MYO16: variants seen among roughly 807,000 people sequenced by gnomAD.
MYO16 encodes the protein unconventional myosin-XVI.
In MYO16, 94 loss-of-function variants were observed where a neutral mutation model predicts 205.3. The observed-to-expected ratio is 0.46, with a 90% CI of 0.39 to 0.54. The LOEUF is 0.54. Among genes scored for constraint, MYO16 ranks in the 20% least tolerant of loss-of-function variants. The pLI, the probability that MYO16 is intolerant of heterozygous loss-of-function variation, is 0.00. For missense variants in MYO16, 2,315 were observed against 2,387.5 expected, an observed-to-expected ratio of 0.97 and a Z score of 0.63; for synonymous variants, 988 against 954.0, an observed-to-expected ratio of 1.04 and a Z score of -0.66.
At chr13:109,041,218 A>G (rs553592818) in intron 23 of MYO16, among the ~76,000 whole-genome samples, 15 of 152,216 alleles carry the variant, frequency 9.9e-5, no homozygotes, top group Non-Finnish European at 1.8e-4. Flanking sequence ...CTAGATAAAA[A>G]GAAAGACATT....
intron 1 of MYO16, among the ~76,000 whole-genome samples, chr13:108,612,291 A>G (rs55787244): frequency 0.022 from 3,364 of 152,230 alleles, 122 homozygotes; most frequent in African/African-American, 0.075. Context: ...AACAAGGAAA[A>G]AGGAAAAAGA....
At chr13:108,877,459 A>C (rs944326154) in intron 12 of MYO16, among the ~76,000 whole-genome samples, 1 of 152,226 alleles carries the variant, frequency 6.6e-6, no homozygotes, top group Non-Finnish European at 1.5e-5. Flanking sequence ...GACTCCAGTC[A>C]TAGGTTCTGG....
At chr13:108,987,769 G>A (rs987047515) in intron 20 of MYO16, among the ~76,000 whole-genome samples, 1 of 152,162 alleles carries the variant, frequency 6.6e-6, no homozygotes, top group African/African-American at 2.4e-5. Flanking sequence ...GAACTCTCTA[G>A]GGAATCTCCT....
the MYO16 span, among the ~76,000 whole-genome samples, chr13:108,556,915 C>T: frequency 3.9e-5 from 6 of 152,080 alleles, no homozygotes; most frequent in South Asian, 4.1e-4. Flanking sequence ...TGTGTGTTGG[C>T]GCCTTTGTCA....
the MYO16 span, among the ~76,000 whole-genome samples, chr13:108,583,920 G>A: frequency 6.6e-6 from 1 of 152,086 alleles, no homozygotes; most frequent in Non-Finnish European, 1.5e-5. Flanking sequence ...CCAAAGCAAG[G>A]AGTGTATCTT....
chr13:108,900,998 A>T (rs1880679107), intron 15 of MYO16, among the ~76,000 whole-genome samples: 1 of 152,182 alleles, frequency 6.6e-6, no homozygotes, highest in Non-Finnish European at 1.5e-5. Flanking sequence ...CGGTTGTAGC[A>T]GAGGGATGAA....
Position 108,856,891 on chromosome 13 carries a change from G to A in MYO16, c.1359+1338G>A, listed in dbSNP as rs1234634745. On this transcript the variant is annotated intron_variant, in intron 11 of 34. Transcript: ENST00000457511. ...AATGAACTAGAGTAAGTTTTATAAA[G>A]CACAAATGTAATCTCAAAACTCCCA... Among the ~76,000 whole-genome samples, 5 of 152,210 alleles carry A rather than the reference G, an allele frequency of 3.3e-5. No individual in the cohort carries two copies. In the East Asian group the frequency reaches 9.7e-4, roughly 29 times the overall value.
Position 108,897,991 on chromosome 13 carries a change from A to G in MYO16, c.1660-25A>G, listed in dbSNP as rs1313700590. 1.2e-5 allele frequency: 18 copies of G among 1,514,314 alleles called. No homozygotes were observed. The Admixed American group carries it at 1.3e-4, about 11-fold the overall frequency. The allele number at this position is 1,514,314 out of a possible 1,614,324, so 93.8% of individuals were successfully genotyped here. On this transcript the variant is annotated intron_variant, in intron 14 of 34. Coordinates refer to ENST00000457511, the MANE Select transcript of MYO16 (RefSeq NM_001198950.3). ...TTATTTCTTAAAATATGAGCAGTTC[A>G]GTAAAATGTTCTCCTCTCCCACAGG...
chr13:109,083,561 C>T (rs779083346), intron 27 of MYO16, among the ~76,000 whole-genome samples: 13 of 151,734 alleles, frequency 8.6e-5, no homozygotes, highest in Non-Finnish European at 1.6e-4. Flanking sequence ...CAAGAACTTA[C>T]GAAACATAAT....
intron 12 of MYO16, among the ~76,000 whole-genome samples, chr13:108,866,651 T>C (rs540751186): frequency 6.1e-4 from 93 of 152,332 alleles, no homozygotes; most frequent in African/African-American, 2.2e-3. Context: ...ATGTTTACGT[T>C]TTCCCAAATG....
chr13:108,778,290 C>T (rs900744046), intron 4 of MYO16, among the ~76,000 whole-genome samples: 4 of 152,182 alleles, frequency 2.6e-5, no homozygotes, highest in African/African-American at 4.8e-5. Context: ...CTTCCCCTGG[C>T]GAGGAAGACT....
chr13:108,812,023 C>T (rs1887309137), intron 7 of MYO16, among the ~76,000 whole-genome samples: 1 of 152,196 alleles, frequency 6.6e-6, no homozygotes, highest in African/African-American at 2.4e-5. Flanking sequence ...TCCAGCCTCA[C>T]CCCACCATAT....
At chr13:108,576,292 T>G in the MYO16 span, among the ~76,000 whole-genome samples, 1 of 152,164 alleles carries the variant, frequency 6.6e-6, no homozygotes, top group African/African-American at 2.4e-5. Context: ...ACCGCAGTCT[T>G]TTAAACACAG....
intron 4 of MYO16, among the ~76,000 whole-genome samples, chr13:108,763,489 T>C (rs1271516548): frequency 6.6e-6 from 1 of 152,126 alleles, no homozygotes; most frequent in Non-Finnish European, 1.5e-5. Context: ...GTGTTCAGAA[T>C]GGTGATGAAG....
At chr13:108,590,200 G>A in the MYO16 span, among the ~76,000 whole-genome samples, 1 of 152,276 alleles carries the variant, frequency 6.6e-6, no homozygotes, top group South Asian at 2.1e-4. Flanking sequence ...TACTAAGAAA[G>A]CAGACATTCC....
intron 16 of MYO16, among the ~76,000 whole-genome samples, chr13:108,929,623 T>G (rs528648207): frequency 6.6e-6 from 1 of 152,254 alleles, no homozygotes; most frequent in Non-Finnish European, 1.5e-5. Context: ...CTGTCACAAC[T>G]CAGGAGAGGG....
rs34831399 is a variant in MYO16, at chr13:108,874,696, CATTATTATT to C, written c.1426-8330_1426-8322del. On this transcript the variant is annotated intron_variant, in intron 12 of 34. Transcript: ENST00000457511. ...CAGAGGCAGACAGTTTCATCATCATCATTATTATTATTATTATTATTATTATTATTATTA... is the reference window on the plus strand; with the variant it reads ...CAGAGGCAGACAGTTTCATCATCATCATTATTATTATTATTATTATTATTA... Among the ~76,000 whole-genome samples, 1,024 of 106,832 alleles carry C rather than the reference CATTATTATT, an allele frequency of 9.6e-3. 6 individuals are homozygous for C. The highest frequency in any genetic ancestry group is 0.025 in the African/African-American group (843 of 33,074). 70.1% of individuals were successfully genotyped at this position (106,832 alleles called of 152,430 possible).
chr13:108,991,372 GA>G (rs1016453511), intron 20 of MYO16, among the ~76,000 whole-genome samples: 2 of 151,616 alleles, frequency 1.3e-5, no homozygotes, highest in East Asian at 1.9e-4. Flanking sequence ...AGTTCACATT[GA>G]AAAAAAAGAT....
intron 16 of MYO16, among the ~76,000 whole-genome samples, chr13:108,933,417 A>G (rs1882345670): frequency 6.6e-6 from 1 of 152,052 alleles, no homozygotes; most frequent in African/African-American, 2.4e-5. Context: ...GTTTCTCTTC[A>G]TTGTAAGTCC....
Sources: allele counts gnomAD v4.1 joint callset (sites outside exome capture counted in the v4.1 genomes callset), GRCh38; gene constraint gnomAD v4.1.1; transcripts MANE v1.5; gene names NCBI Gene and HGNC (gene_info 2026-07-23, HGNC 2026-07-21).